Variants in CLVS1 observed in about 807,000 individuals in gnomAD.
CLVS1 encodes clavesin-1.
In CLVS1, 10 loss-of-function variants were observed where a neutral mutation model predicts 33.1. That is an observed-to-expected ratio of 0.30 (90% CI 0.19 to 0.51). The LOEUF (loss-of-function observed/expected upper bound fraction) is 0.51. Among genes scored for constraint, CLVS1 ranks in the 20% least tolerant of loss-of-function variants. The probability of loss-of-function intolerance (pLI) is 0.97; values close to 1 mark genes in which losing one functional copy is unlikely to be tolerated. For synonymous variants in CLVS1, 163 were observed against 166.1 expected (o/e 0.98, Z 0.14); for missense variants, 343 against 433.4 (o/e 0.79, Z 1.85).
intron 2 of CLVS1, among the ~76,000 whole-genome samples, chr8:61,167,063 T>C (rs1475712246): frequency 6.6e-6 from 1 of 151,692 alleles, no homozygotes. Flanking sequence ...CCAAAGATAA[T>C]GTAAAATTTT....
chr8:61,207,997 C>T (rs956459879), intron 2 of CLVS1, among the ~76,000 whole-genome samples: 4 of 152,114 alleles, frequency 2.6e-5, no homozygotes, highest in East Asian at 1.9e-4. Flanking sequence ...TAGATAAAAG[C>T]GAGGAGCAAA....
chr8:61,416,651 A>T (rs1326986015), intron 3 of CLVS1, among the ~76,000 whole-genome samples: 3 of 152,198 alleles, frequency 2.0e-5, no homozygotes, highest in Non-Finnish European at 2.9e-5. Context: ...CCCTCAGGCA[A>T]GTAGCTTCCC....
intron 2 of CLVS1, among the ~76,000 whole-genome samples, chr8:61,210,056 A>C (rs745595342): frequency 1.6e-4 from 24 of 152,254 alleles, no homozygotes; most frequent in Non-Finnish European, 3.4e-4. Context: ...TCTTTAAAGC[A>C]GGATCAGGTC....
At chr8:60,969,034 TGTG>T in the CLVS1 span, among the ~76,000 whole-genome samples, 26 of 152,360 alleles carry the variant, frequency 1.7e-4, no homozygotes, top group African/African-American at 5.8e-4. Context: ...ATGTTCACCT[TGTG>T]GTGGAGACAA....
rs537055740 is a variant in CLVS1, at chr8:61,083,153, T to C, written c.-243+25923T>C. On this transcript the variant is annotated intron_variant, in intron 1 of 2. Transcript: ENST00000522621. The stretch of plus-strand genomic sequence containing the variant: ...AATCTATGTAAAGAAAGGAAGATCA[T>C]TTGAGAAGGAAAAAATGAAGGGAAA... 5.3e-5 allele frequency among the ~76,000 whole-genome samples: 8 copies of C among 152,182 alleles called. No homozygotes were observed. The South Asian group carries it at 1.7e-3, about 32-fold the overall frequency.
intron 1 of CLVS1, among the ~76,000 whole-genome samples, chr8:61,123,512 C>A (rs1315251876): frequency 6.6e-6 from 1 of 152,092 alleles, no homozygotes; most frequent in African/African-American, 2.4e-5. Context: ...CCAAATTTTC[C>A]TTTTAATCAA....
chr8:61,415,126 G>A (rs937972910), intron 3 of CLVS1, among the ~76,000 whole-genome samples: 1 of 152,230 alleles, frequency 6.6e-6, no homozygotes, highest in African/African-American at 2.4e-5. Context: ...TGCCTCATCT[G>A]TATTCTGAGA....
Position 61,131,209 on chromosome 8 carries a change from G to T in CLVS1, c.-242-561G>T, listed in dbSNP as rs534721138. 2.0e-5 allele frequency among the ~76,000 whole-genome samples: 3 copies of T among 152,252 alleles called. 1 individual carries two copies. In the South Asian group the frequency reaches 6.2e-4, roughly 32 times the overall value. On this transcript the variant is annotated intron_variant, in intron 1 of 2. Coordinates refer to the CLVS1 transcript ENST00000522621. ...TCACTGAAACCATGGATTCACAAAG[G>T]ATTTTGAGACAAAAGATGTCTGCCC...
intron 1 of CLVS1, among the ~76,000 whole-genome samples, chr8:61,092,184 T>C (rs555636438): frequency 9.6e-4 from 147 of 152,346 alleles, no homozygotes; most frequent in African/African-American, 3.5e-3. Flanking sequence ...TAAGTTAGCT[T>C]TTTTCCCCTT....
intron 2 of CLVS1, among the ~76,000 whole-genome samples, chr8:61,231,341 G>A (rs1808429757): frequency 6.6e-6 from 1 of 152,052 alleles, no homozygotes; most frequent in Non-Finnish European, 1.5e-5. Context: ...ATTTTACAGA[G>A]CAGTGATTTT....
rs1364136519 is a variant in CLVS1 at position 61,272,903 on chromosome 8, T to C, written c.-151-26774T>C. 7.7e-3 allele frequency among the ~76,000 whole-genome samples: 1,165 copies of C among 150,944 alleles called. 9 individuals carry two copies. Among genetic ancestry groups the C allele is most frequent in the Non-Finnish European group, 0.012 (794 of 67,314 alleles). The stretch of plus-strand genomic sequence containing the variant: ...TCTAGTTATACATTCTTCTAAATTT[T>C]TTTCAAAGTTTTCAACTTCTTTGCC... On this transcript the variant is annotated intron_variant, in intron 2 of 2. Coordinates refer to the CLVS1 transcript ENST00000522621.
intron 2 of CLVS1, among the ~76,000 whole-genome samples, chr8:61,169,882 AAAGGGG>A (rs1806958130): frequency 6.6e-6 from 1 of 152,310 alleles, no homozygotes; most frequent in Admixed American, 6.5e-5. Flanking sequence ...TCAAGTCTTC[AAAGGGG>A]AAGGAAAAAT....
rs185988683 is a variant in CLVS1, at chr8:61,480,589, C to A, written c.978-18866C>A. Reference sequence around the variant, plus strand: ...ATGCATGGTGTGCTGCACCCACTGTCCTGCACCCACTGTCCGGCACTCCCC... The same window carrying A: ...ATGCATGGTGTGCTGCACCCACTGTACTGCACCCACTGTCCGGCACTCCCC... On this transcript the variant is annotated intron_variant, in intron 5 of 5. Coordinates refer to ENST00000325897, the MANE Select transcript of CLVS1 (RefSeq NM_173519.3). Among the ~76,000 whole-genome samples the A allele has an allele frequency of 4.0e-3, 608 of 150,972 alleles. 2 individuals are homozygous for A. Among genetic ancestry groups the A allele is most frequent in the Non-Finnish European group, 5.9e-3 (394 of 67,236 alleles).
intron 3 of CLVS1, among the ~76,000 whole-genome samples, chr8:61,418,886 G>T (rs1012056819): frequency 2.1e-4 from 32 of 152,196 alleles, no homozygotes; most frequent in African/African-American, 7.0e-4. Context: ...TGCCCTGGAT[G>T]GAGGCTGCAT....
intron 2 of CLVS1, among the ~76,000 whole-genome samples, chr8:61,357,494 C>CTTTTCTTTTT (rs1812776284): frequency 7.8e-5 from 2 of 25,806 alleles, no homozygotes; most frequent in African/African-American, 2.0e-4. Flanking sequence ...TTTTTCTTTT[C>CTTTTCTTTTT]TTTTTTTTTT....
intron 2 of CLVS1, among the ~76,000 whole-genome samples, chr8:61,361,109 C>A (rs1812957459): frequency 6.6e-6 from 1 of 152,104 alleles, no homozygotes; most frequent in African/African-American, 2.4e-5. Context: ...CACTATAAGT[C>A]ACTTACTCTT....
intron 2 of CLVS1, among the ~76,000 whole-genome samples, chr8:61,146,876 G>A (rs1305952976): frequency 1.3e-5 from 2 of 152,228 alleles, no homozygotes; most frequent in African/African-American, 2.4e-5. Context: ...TCATGGCATG[G>A]TGTGATGTGA....
At chr8:61,397,177 T>C (rs954023995) in intron 3 of CLVS1, among the ~76,000 whole-genome samples, 3 of 152,190 alleles carry the variant, frequency 2.0e-5, no homozygotes, top group Non-Finnish European at 4.4e-5. Context: ...CTCCAATTTC[T>C]CTACATCTTT....
At chr8:61,140,382 C>T (rs954479915) in intron 2 of CLVS1, among the ~76,000 whole-genome samples, 2 of 152,062 alleles carry the variant, frequency 1.3e-5, no homozygotes, top group African/African-American at 2.4e-5. Flanking sequence ...AATTAACTTC[C>T]GCTAAGAGAT....
Sources: allele counts gnomAD v4.1 joint callset (sites outside exome capture counted in the v4.1 genomes callset), GRCh38; gene constraint gnomAD v4.1.1; transcripts MANE v1.5; gene names NCBI Gene and HGNC (gene_info 2026-07-23, HGNC 2026-07-21).